Variants in WDHD1 observed in about 807,000 individuals in gnomAD.
WDHD1 encodes the protein WD repeat and HMG-box DNA-binding protein 1.
A neutral mutation model predicts 135.4 loss-of-function variants in WDHD1; 111 were observed. That is an observed-to-expected ratio of 0.82 (90% confidence interval 0.70 to 0.96). The LOEUF (loss-of-function observed/expected upper bound fraction) is 0.96. Among genes scored for constraint, WDHD1 ranks in the 40% least tolerant of loss-of-function variants. The pLI is 0.00. For missense variants in WDHD1, 1,351 were observed against 1,336.3 expected, an observed-to-expected ratio of 1.01 and a Z score of -0.17; for synonymous variants, 434 against 439.0, an observed-to-expected ratio of 0.99 and a Z score of 0.14.
At chr14:55,023,868 T>C (rs1158753768) in intron 2 of WDHD1, among the ~76,000 whole-genome samples, 1 of 152,244 alleles carries the variant, frequency 6.6e-6, no homozygotes, top group Non-Finnish European at 1.5e-5. Flanking sequence ...TATGTTTGTT[T>C]ACATTTCTCT....
chr14:54,996,934 G>GAC lies in WDHD1; in HGVS notation c.943-1122_943-1121insGT, dbSNP rs1418723235. On this transcript the variant is annotated intron_variant, in intron 10 of 25. Transcript: ENST00000360586. The stretch of plus-strand genomic sequence containing the variant: ...AGTCTCCCAAGTAGCTGGGACTACA[G>GAC]GCGCATGCCACCATGCCCAGCTAAT... Among the ~76,000 whole-genome samples the GAC allele has an allele frequency of 2.3e-3, 348 of 151,858 alleles. 2 individuals are homozygous for GAC. The highest frequency in any genetic ancestry group is 7.2e-3 in the African/African-American group (299 of 41,386).
At chr14:55,005,452 GGAT>G (rs1286810340) in intron 7 of WDHD1, 6 of 568,202 alleles carry the variant, frequency 1.1e-5, no homozygotes, top group African/African-American at 1.9e-5. Flanking sequence ...CAGTATTCCT[GGAT>G]GATATGACAC....
chr14:55,003,225 A>T (rs1445215750), intron 7 of WDHD1, among the ~76,000 whole-genome samples: 1 of 152,114 alleles, frequency 6.6e-6, no homozygotes, highest in Non-Finnish European at 1.5e-5. Context: ...AAAAGTTCAC[A>T]TGGGCTGGGT....
intron 2 of WDHD1, among the ~76,000 whole-genome samples, chr14:55,016,579 G>A (rs2042265650): frequency 1.3e-5 from 2 of 152,198 alleles, no homozygotes; most frequent in Admixed American, 1.3e-4. Context: ...ATCTTGTGAA[G>A]CATGATTCTT....
chr14:54,987,879 G>A (rs1007942134), intron 13 of WDHD1, among the ~76,000 whole-genome samples: 2 of 152,120 alleles, frequency 1.3e-5, no homozygotes, highest in Non-Finnish European at 2.9e-5. Context: ...TGTCCGCCTT[G>A]GCCTCCCAAA....
chr14:55,013,455 C>T, intron 3 of WDHD1, 30 bp downstream of exon 3: 3 of 1,441,028 alleles, frequency 2.1e-6, no homozygotes, highest in Non-Finnish European at 2.9e-6. Context: ...AGTATCATTT[C>T]ATATCAATTG....
In WDHD1 at chr14:55,013,498, G is replaced by T; in HGVS notation, c.176C>A (p.Ser59Ter). 1.2e-6 allele frequency: 2 copies of T among 1,612,430 alleles called. No homozygotes were observed. The highest frequency in any genetic ancestry group is 1.7e-6 in the Non-Finnish European group (2 of 1,178,656). Residue 59 changes from serine (S) to a stop codon, truncating the protein, a stop_gained, in exon 3 of 26, where the codon TCA becomes TAA. Coordinates refer to ENST00000360586, the MANE Select transcript of WDHD1 (RefSeq NM_007086.4). LOFTEE classifies it high-confidence loss of function. ...KFINVGEKAY[S>*]CALKSGKLVT... ...TGTTTTTACTACCTTCAAAGCACAT[G>T]AATATGCCTTTTCTCCAACATTAAT...
intron 12 of WDHD1, 21 bp downstream of exon 12, chr14:54,991,192 A>C (rs1461443266): frequency 1.5e-6 from 2 of 1,365,566 alleles, no homozygotes; most frequent in Non-Finnish European, 2.1e-6. Context: ...CTAAGAAGTT[A>C]AGTGTAGATC....
intron 16 of WDHD1, among the ~76,000 whole-genome samples, chr14:54,968,550 C>A (rs1370591312): frequency 6.6e-6 from 1 of 151,810 alleles, no homozygotes. Flanking sequence ...AGAATCCATA[C>A]AAAGGATCAA....
At chr14:54,991,531 GT>G in intron 11 of WDHD1, 131 bp from the exon 12 acceptor site, 1 of 855,420 alleles carries the variant, frequency 1.2e-6, no homozygotes, top group Non-Finnish European at 1.8e-6. Context: ...CTCTTTCACT[GT>G]GTTAAAGAGA....
At chr14:54,947,406 C>T (rs1385124944) in intron 24 of WDHD1, among the ~76,000 whole-genome samples, 1 of 152,120 alleles carries the variant, frequency 6.6e-6, no homozygotes, top group African/African-American at 2.4e-5. Context: ...AAAATTTTCA[C>T]TGTTTAAGAC....
intron 21 of WDHD1, among the ~76,000 whole-genome samples, chr14:54,960,920 C>T (rs1230348348): frequency 6.6e-6 from 1 of 152,204 alleles, no homozygotes; most frequent in Non-Finnish European, 1.5e-5. Flanking sequence ...CTGTCCCAGC[C>T]TCCCAAATAC....
chr14:54,966,351 AC>A (rs2041344070), intron 18 of WDHD1, 123 bp downstream of exon 18: 1 of 1,235,788 alleles, frequency 8.1e-7, no homozygotes, highest in African/African-American at 1.5e-5. Context: ...AACAACAACA[AC>A]AACAAAAAAA....
At chr14:54,966,429 G>GAA in intron 18 of WDHD1, 46 bp downstream of exon 18, 1 of 1,563,562 alleles carries the variant, frequency 6.4e-7, no homozygotes, top group Non-Finnish European at 8.6e-7. Context: ...TCAACCTATA[G>GAA]AAAAGCATTT....
chr14:54,959,879 A>C (rs1229776282), intron 21 of WDHD1, among the ~76,000 whole-genome samples: 1 of 152,196 alleles, frequency 6.6e-6, no homozygotes, highest in African/African-American at 2.4e-5. Flanking sequence ...ATACTTTATA[A>C]AAGTTTCCCC....
At chr14:55,019,178 C>G (rs1203728252) in intron 2 of WDHD1, among the ~76,000 whole-genome samples, 1 of 151,934 alleles carries the variant, frequency 6.6e-6, no homozygotes, top group Non-Finnish European at 1.5e-5. Flanking sequence ...TCAGCAATAC[C>G]ATGGGACAGA....
chr14:55,008,409 A>C (rs1241059344), intron 5 of WDHD1, 43 bp from the exon 6 acceptor site: 4 of 1,578,928 alleles, frequency 2.5e-6, no homozygotes, highest in South Asian at 1.2e-5. Context: ...CATAGCCATA[A>C]TACTACATGG....
At chr14:54,952,215 G>C (rs1467749410) in intron 24 of WDHD1, among the ~76,000 whole-genome samples, 1 of 152,224 alleles carries the variant, frequency 6.6e-6, no homozygotes, top group African/African-American at 2.4e-5. Flanking sequence ...CCTGTTTGCA[G>C]ATGACATGAT....
rs2042452172 is a variant in WDHD1, at chr14:55,026,780, G to A, written c.8C>T (p.Ala3Val). ...CCCATATCTCATTGGCTTCCGTGTG[G>A]CAGGCATGTTTTCCTTTACCTATCT... is the stretch of plus-strand genomic sequence containing the variant. MP[A>V]TRKPMRYGHT... Residue 3 changes from alanine to valine, a missense_variant, in exon 2 of 26, where the codon GCC (alanine) becomes GTC (valine). Around this residue, in one of 2 missense-constraint regions of WDHD1, gnomAD observed 21 missense variants for 40.2 expected, o/e 0.52. Coordinates refer to ENST00000360586, the MANE Select transcript of WDHD1 (RefSeq NM_007086.4). 1 of 1,614,120 alleles carries A rather than the reference G, an allele frequency of 6.2e-7. No homozygotes were observed. Among genetic ancestry groups the A allele is most frequent in the East Asian group, 2.2e-5 (1 of 44,890 alleles).
Sources: gnomAD v4.1 joint callset for allele counts (sites outside exome capture counted in the v4.1 genomes callset) on GRCh38, gnomAD v4.1.1 for gene constraint, gnomAD v4.1.1 regional missense constraint, MANE v1.5 for transcripts, NCBI Gene and HGNC (gene_info 2026-07-23, HGNC 2026-07-21) for gene names.